Variants in SVEP1 observed in about 807,000 individuals in gnomAD.
SVEP1 encodes sushi, von Willebrand factor type A, EGF and pentraxin domain-containing protein 1.
A neutral mutation model predicts 367.3 loss-of-function variants in SVEP1; 164 were observed. The observed-to-expected ratio is 0.45, with a 90% CI of 0.39 to 0.51. The LOEUF (loss-of-function observed/expected upper bound fraction) is 0.51. SVEP1 is among the 20% of genes least tolerant of loss of function. The pLI is 0.00. For synonymous variants in SVEP1, 1,666 were observed against 1,611.6 expected (o/e 1.03, Z -0.81); for missense variants, 4,117 against 4,425.3 (o/e 0.93, Z 1.98).
At chr9:110,477,309 G>A (rs570265922) in intron 13 of SVEP1, among the ~76,000 whole-genome samples, 9 of 152,060 alleles carry the variant, frequency 5.9e-5, no homozygotes, top group South Asian at 4.2e-4. Context: ...AAGATTCCAC[G>A]ATCCATCACC....
intron 36 of SVEP1, among the ~76,000 whole-genome samples, chr9:110,426,378 A>AT (rs937279295): frequency 2.1e-4 from 32 of 150,234 alleles, no homozygotes; most frequent in East Asian, 7.8e-4. Context: ...GGGTTCATTG[A>AT]TTTTTTTTTT....
Position 110,469,016 on chromosome 9 carries a change from C to T in SVEP1, c.3084G>A (p.Gly1028=), listed in dbSNP as rs751874198. 14 of 1,613,738 alleles carry T rather than the reference C, an allele frequency of 8.7e-6. No homozygotes were observed. The highest frequency in any genetic ancestry group is 1.0e-5 in the Non-Finnish European group (12 of 1,179,828). Reference sequence around the variant, plus strand: ...AGGGGCAAAGCTTGCACTCAAGTTGCCCTTCTTCATCTTGATAGGATCCGA... The same window carrying T: ...AGGGGCAAAGCTTGCACTCAAGTTGTCCTTCTTCATCTTGATAGGATCCGA... The part of the protein sequence containing the change: ...CRIGSYQDEE[G]QLECKLCPSG... The change falls in exon 17 of 48, where the codon GGG becomes GGA. Residue 1028 remains glycine (G), a synonymous_variant. Transcript: ENST00000374469.
At chr9:110,442,582 T>A (rs1828526306) in intron 27 of SVEP1, 1 of 151,468 alleles carries the variant, frequency 6.6e-6, no homozygotes, top group Non-Finnish European at 1.5e-5. Flanking sequence ...TGCCTCAGCC[T>A]CCTGAGTAGC....
At chr9:110,374,663 CA>C (rs1188911218) in intron 46 of SVEP1, among the ~76,000 whole-genome samples, 1 of 151,896 alleles carries the variant, frequency 6.6e-6, no homozygotes, top group Non-Finnish European at 1.5e-5. Flanking sequence ...AAAAACAAAA[CA>C]AAACAAAACA....
intron 26 of SVEP1, 41 bp from the exon 27 acceptor site, chr9:110,443,761 T>C: frequency 3.3e-6 from 5 of 1,498,958 alleles, no homozygotes; most frequent in Non-Finnish European, 4.5e-6. Flanking sequence ...TCATTAGCCA[T>C]ATGTTGCAAT....
Position 110,408,369 on chromosome 9 carries a change from C to T in SVEP1, c.7231G>A (p.Gly2411Arg). The part of the protein sequence containing the change: ...GSTVKYSCVG[G>R]FFLRGNSTTL... ...GTAGAATTTCCTCTTAGGAAAAACC[C>T]ACCTACACAAGAATACTTGACAGTA... Residue 2411 changes from glycine (G) to arginine (R), a missense_variant, in exon 38 of 48, where the codon GGG becomes AGG. Around this residue, in one of 4 missense-constraint regions of SVEP1, gnomAD observed 1,765 missense variants for 1,781.1 expected, o/e 0.99. Coordinates refer to ENST00000374469, the MANE Select transcript of SVEP1 (RefSeq NM_153366.4). The T allele has an allele frequency of 2.5e-6, 4 of 1,613,866 alleles. No individual in the cohort carries two copies. The highest frequency in any genetic ancestry group is 2.5e-6 in the Non-Finnish European group (3 of 1,179,884).
chr9:110,569,450 C>G (rs1034515548), intron 1 of SVEP1, among the ~76,000 whole-genome samples: 11 of 102,868 alleles, frequency 1.1e-4, no homozygotes, highest in African/African-American at 1.8e-4. Flanking sequence ...GAGTGAAACT[C>G]AGTCTCAAAA....
chr9:110,405,702 A>G (rs1266600403), intron 38 of SVEP1, among the ~76,000 whole-genome samples: 2 of 152,218 alleles, frequency 1.3e-5, no homozygotes, highest in African/African-American at 4.8e-5. Context: ...GGTCCTTTAC[A>G]TAAGATATTT....
At chr9:110,558,672 T>C (rs934927536) in intron 1 of SVEP1, among the ~76,000 whole-genome samples, 4 of 152,044 alleles carry the variant, frequency 2.6e-5, no homozygotes, top group Non-Finnish European at 5.9e-5. Flanking sequence ...AAGAAACTAA[T>C]GCATGAAAAC....
intron 36 of SVEP1, among the ~76,000 whole-genome samples, chr9:110,415,238 G>A (rs993118704): frequency 3.3e-5 from 5 of 151,942 alleles, no homozygotes; most frequent in African/African-American, 1.2e-4. Flanking sequence ...CTGCATTTTT[G>A]TCCTAAGCTT....
At chr9:110,427,863 A>G in intron 35 of SVEP1, 105 bp from the exon 36 acceptor site, 1 of 1,346,170 alleles carries the variant, frequency 7.4e-7, no homozygotes, top group African/African-American at 1.5e-5. Context: ...GAGGAATTTG[A>G]GTACACAAAA....
intron 40 of SVEP1, among the ~76,000 whole-genome samples, chr9:110,391,818 T>C (rs550676089): frequency 6.6e-6 from 1 of 152,164 alleles, no homozygotes; most frequent in South Asian, 2.1e-4. Flanking sequence ...TGGATGAGAT[T>C]AGCATTTAAA....
intron 40 of SVEP1, among the ~76,000 whole-genome samples, chr9:110,393,718 C>A (rs532916590): frequency 1.3e-5 from 2 of 152,364 alleles, no homozygotes; most frequent in South Asian, 2.1e-4. Context: ...ATATCCCGCA[C>A]CTGGCTCAGA....
At chr9:110,528,831 T>A (rs1829979018) in intron 3 of SVEP1, among the ~76,000 whole-genome samples, 2 of 151,546 alleles carry the variant, frequency 1.3e-5, no homozygotes, top group African/African-American at 4.8e-5. Flanking sequence ...AATAAATATA[T>A]TTTAAATTAA....
chr9:110,408,009 C>G lies in SVEP1; in HGVS notation c.7591G>C (p.Glu2531Gln), dbSNP rs143931457. ...TYSCNRGFRL[E>Q]GPSALTCLET... is the part of the protein sequence containing the mutation. ...AAACAGGTCAAGGCACTGGGACCTT[C>G]GAGCCGAAAGCCTCGGTTGCAAGAG... is the stretch of plus-strand genomic sequence containing the variant. The change falls in exon 38 of 48, where the codon GAA becomes CAA. Residue 2531 changes from glutamate (E) to glutamine (Q), a missense_variant. Glu to Gln is a conservative substitution (Grantham distance 29). Coordinates refer to ENST00000374469, the MANE Select transcript of SVEP1 (RefSeq NM_153366.4). 4.3e-6 allele frequency: 7 copies of G among 1,613,930 alleles called. No individual in the cohort carries two copies. The highest frequency in any genetic ancestry group is 5.9e-6 in the Non-Finnish European group (7 of 1,179,878).
intron 24 of SVEP1, among the ~76,000 whole-genome samples, chr9:110,449,515 T>A (rs1828658578): frequency 6.6e-6 from 1 of 152,040 alleles, no homozygotes; most frequent in Non-Finnish European, 1.5e-5. Flanking sequence ...AAACCCCGTC[T>A]CTACTAAAAA....
intron 29 of SVEP1, 104 bp from the exon 30 acceptor site, chr9:110,434,610 C>A (rs1418639874): frequency 2.3e-6 from 2 of 858,910 alleles, no homozygotes; most frequent in East Asian, 1.5e-4. Context: ...TGAGAGCCAC[C>A]TTACTGATGT....
chr9:110,372,640 CAG>C lies in SVEP1; in HGVS notation c.10601-2626_10601-2625del, dbSNP rs1369400290. 2.0e-5 allele frequency among the ~76,000 whole-genome samples: 3 copies of C among 152,142 alleles called. No homozygotes were observed. In the East Asian group the frequency reaches 5.8e-4, roughly 29 times the overall value. On this transcript the variant is annotated intron_variant, in intron 46 of 47. Coordinates refer to ENST00000374469, the MANE Select transcript of SVEP1 (RefSeq NM_153366.4). ...TGTGATATTGAACAAGTTTAGAGAT[CAG>C]AGGAAACTTAGGCAGGACTTGGGGG... is the stretch of plus-strand genomic sequence containing the variant.
Position 110,369,910 on chromosome 9 carries a change from TTGG to T in SVEP1, c.10694+10_10694+12del. On this transcript the variant is annotated intron_variant, in intron 47 of 47. Coordinates refer to ENST00000374469, the MANE Select transcript of SVEP1 (RefSeq NM_153366.4). ...TCATGTTATAGGCGAACATTAGTTT[TTGG>T]TTATCTTACCTGGAACAGTTATGTC... The T allele has an allele frequency of 6.2e-7, 1 of 1,607,942 alleles. No individual in the cohort carries two copies. The highest frequency in any genetic ancestry group is 8.5e-7 in the Non-Finnish European group (1 of 1,176,702).
Sources: gnomAD v4.1 joint callset for allele counts (sites outside exome capture counted in the v4.1 genomes callset) on GRCh38, gnomAD v4.1.1 for gene constraint, gnomAD v4.1.1 regional missense constraint, MANE v1.5 for transcripts, NCBI Gene and HGNC (gene_info 2026-07-23, HGNC 2026-07-21) for gene names.